The following IKBKG variants were observed in gnomAD, a reference collection of about 807,000 sequenced individuals.
IKBKG encodes inhibitor of nuclear factor kappa B kinase regulatory subunit gamma.
A neutral mutation model predicts 13.7 loss-of-function variants in IKBKG; 2 were observed. The ratio of observed to expected loss-of-function variants is 0.15; its 90% CI spans 0.06 to 0.46. IKBKG has a LOEUF of 0.46. Among genes scored for constraint, IKBKG ranks in the 20% least tolerant of loss-of-function variants. The probability of loss-of-function intolerance (pLI) is 0.98; values close to 1 mark genes in which losing one functional copy is unlikely to be tolerated. For missense variants in IKBKG, 53 were observed against 150.3 expected (o/e 0.35, Z 3.39); for synonymous variants, 22 against 64.4 (o/e 0.34, Z 3.15).
At chrX:154,548,058 C>T (rs1387437522) in intron 1 of IKBKG, 2 of 753,912 alleles carry the variant, frequency 2.7e-6, no homozygotes, top group Non-Finnish European at 3.1e-6. Flanking sequence ...TTAAATTCTT[C>T]GGAAATGCCT....
chrX:154,555,532 C>G (rs2071037615), intron 2 of IKBKG, among the ~76,000 whole-genome samples: 1 of 112,737 alleles, frequency 8.9e-6, no homozygotes, highest in Non-Finnish European at 1.9e-5. Context: ...CATAGCAAGA[C>G]CTTGTCTCTA....
chrX:154,552,118 T>C lies in IKBKG; in HGVS notation c.116T>C (p.Leu39Pro). 1 of 1,197,638 alleles carries C rather than the reference T, an allele frequency of 8.3e-7. No individual in the cohort carries two copies. Among genetic ancestry groups the C allele is most frequent in the South Asian group, 1.8e-5 (1 of 55,653 alleles). The change falls in exon 2 of 10, where the codon CTG becomes CCG. Residue 39 changes from leucine to proline, a missense_variant. Physicochemically the swap from Leu to Pro is moderately conservative, Grantham distance 98. This residue lies in a region of IKBKG where 47 missense variants were observed against 50.0 expected (regional missense o/e 0.94). Coordinates refer to ENST00000594239, the MANE Select transcript of IKBKG (RefSeq NM_001099857.5). Reference protein sequence around the residue: ...EESPLGKPAMLHLPSEQGAPE... With the variant: ...EESPLGKPAMPHLPSEQGAPE... ...TCTCCTCTGGGGAAGCCAGCCATGC[T>C]GCACCTGCCTTCAGAACAGGGCGCT...
chrX:154,549,311 G>A (rs1603416810), intron 1 of IKBKG, among the ~76,000 whole-genome samples: 1 of 109,200 alleles, frequency 9.2e-6, no homozygotes, highest in Middle Eastern at 4.9e-3. Context: ...TCACTCTGTC[G>A]CCCAGAATGG....
At chrX:154,547,360 G>T, upstream of IKBKG, 3 of 755,243 alleles carry the variant, frequency 4.0e-6, no homozygotes, top group Non-Finnish European at 4.7e-6. Flanking sequence ...TCCTCCCCCG[G>T]AGAGGGCGGG....
chrX:154,546,247 G>T, upstream of IKBKG: 1 of 1,136,563 alleles, frequency 8.8e-7, no homozygotes, highest in Non-Finnish European at 1.2e-6. Context: ...TTCCTCTGGG[G>T]TCTCACACCA....
chrX:154,546,072 C>A (rs969180243), upstream of IKBKG: 24 of 1,209,883 alleles, frequency 2.0e-5, no homozygotes, highest in East Asian at 6.8e-4. Flanking sequence ...GTGTATCCGA[C>A]TGATGGAAGG....
intron 1 of IKBKG, among the ~76,000 whole-genome samples, chrX:154,548,896 A>G (rs1001726961): frequency 2.7e-5 from 3 of 110,923 alleles, no homozygotes; most frequent in East Asian, 2.8e-4. Context: ...CACAGCTACC[A>G]ACTTCAACAA....
upstream of IKBKG, chrX:154,542,447 G>A (rs781983439): frequency 8.5e-7 from 1 of 1,176,965 alleles, no homozygotes; most frequent in African/African-American, 1.8e-5. Flanking sequence ...TTTCTGGAAG[G>A]GGGCAGTAAG....
At chrX:154,543,048 G>A (rs986560574), upstream of IKBKG, among the ~76,000 whole-genome samples, 2 of 111,970 alleles carry the variant, frequency 1.8e-5, no homozygotes, top group South Asian at 3.7e-4. Context: ...CCTACCTCCC[G>A]CACCGAGTGA....
In IKBKG at chrX:154,552,138, G is replaced by A. The variant is rs1189251503; in HGVS notation, c.136G>A (p.Gly46Ser). ...PAMLHLPSEQ[G>S]APETLQRCLE... ...CATGCTGCACCTGCCTTCAGAACAG[G>A]GCGCTCCTGAGACCCTCCAGCGCTG... Residue 46 changes from glycine to serine, a missense_variant, in exon 2 of 10, where the codon GGC (glycine) becomes AGC (serine). By Grantham distance (56) the Gly-to-Ser change is moderately conservative (BLOSUM62 0). Around this residue, in one of 3 missense-constraint regions of IKBKG, gnomAD observed 47 missense variants for 50.0 expected, o/e 0.94. Transcript: ENST00000594239. 8.4e-7 allele frequency: 1 copy of A among 1,194,345 alleles called. No individual in the cohort carries two copies. Among genetic ancestry groups the A allele is most frequent in the African/African-American group, 1.7e-5 (1 of 57,393 alleles).
chrX:154,543,430 C>A (rs1557232449), upstream of IKBKG, among the ~76,000 whole-genome samples: 1 of 112,193 alleles, frequency 8.9e-6, no homozygotes, highest in East Asian at 2.8e-4. Flanking sequence ...TGCTGAGGTT[C>A]AGGAAAAGGA....
chrX:154,555,115 C>T (rs2071027195), intron 2 of IKBKG, among the ~76,000 whole-genome samples: 1 of 111,541 alleles, frequency 9.0e-6, no homozygotes, highest in South Asian at 3.8e-4. Context: ...CTCGTTTAAC[C>T]CTCCTCGTCT....
chrX:154,554,142 C>T (rs1237002376), intron 2 of IKBKG, among the ~76,000 whole-genome samples: 4 of 112,873 alleles, frequency 3.5e-5, no homozygotes, highest in Non-Finnish European at 7.5e-5. Flanking sequence ...CAGAAGATGT[C>T]TGTCCCCCAA....
At chrX:154,544,619 A>G (rs782534496), upstream of IKBKG, among the ~76,000 whole-genome samples, 4 of 112,271 alleles carry the variant, frequency 3.6e-5, no homozygotes, top group Admixed American at 1.9e-4. Context: ...TGAGGGGACC[A>G]GGCTGGGGCT....
chrX:154,547,422 T>A, upstream of IKBKG: 4 of 754,734 alleles, frequency 5.3e-6, no homozygotes, highest in Non-Finnish European at 6.3e-6. Context: ...CGAGGGGGCG[T>A]GTAGGCGGTG....
At chrX:154,542,708 G>A (rs1427507269), upstream of IKBKG, among the ~76,000 whole-genome samples, 1 of 112,102 alleles carries the variant, frequency 8.9e-6, no homozygotes, top group Non-Finnish European at 1.9e-5. Context: ...AGGTCATGCT[G>A]AGCTTGTTCC....
chrX:154,541,723 C>T (rs182430353), intron 1 of IKBKG, among the ~76,000 whole-genome samples: 7 of 112,551 alleles, frequency 6.2e-5, no homozygotes, highest in African/African-American at 2.3e-4. Flanking sequence ...TGCCCAAGGA[C>T]ACAAGGTGAC....
chrX:154,546,724 C>G, upstream of IKBKG: 10 of 935,357 alleles, frequency 1.1e-5, no homozygotes, highest in African/African-American at 1.9e-5. Flanking sequence ...TGTATTTTAC[C>G]GCCGCGCGGC....
upstream of IKBKG, among the ~76,000 whole-genome samples, chrX:154,544,713 T>C (rs1316782737): frequency 1.8e-5 from 2 of 111,922 alleles, no homozygotes; most frequent in African/African-American, 6.5e-5. Context: ...CAGAGGACAA[T>C]GGCCCCTCCT....
Sources: allele counts gnomAD v4.1 joint callset (sites outside exome capture counted in the v4.1 genomes callset), GRCh38; gene constraint gnomAD v4.1.1; regional missense constraint gnomAD v4.1.1; transcripts MANE v1.5; gene names NCBI Gene and HGNC (gene_info 2026-07-23, HGNC 2026-07-21).